RFX3: variants seen among roughly 807,000 people sequenced by gnomAD.
RFX3 encodes the protein regulatory factor X3.
Under a neutral mutation model 98.6 loss-of-function variants are expected in RFX3, and 14 were observed. That is an observed-to-expected ratio of 0.14 (90% confidence interval 0.09 to 0.22). The LOEUF is 0.22. RFX3 is among the 10% of genes least tolerant of loss of function. RFX3 has a pLI of 1.00. For missense variants in RFX3, 639 were observed against 926.9 expected (o/e 0.69, Z 4.03); for synonymous variants, 383 against 328.4 (o/e 1.17, Z -1.80).
chr9:3,368,605 C>T (rs185473587), intron 2 of RFX3, among the ~76,000 whole-genome samples: 1 of 152,286 alleles, frequency 6.6e-6, no homozygotes, highest in African/African-American at 2.4e-5. Flanking sequence ...TCTTTGACAT[C>T]TCCGTGGTTT....
At chr9:3,447,324 G>C (rs965503430) in intron 1 of RFX3, among the ~76,000 whole-genome samples, 3 of 152,076 alleles carry the variant, frequency 2.0e-5, no homozygotes, top group Non-Finnish European at 2.9e-5. Flanking sequence ...ACTCCATTAA[G>C]TATAATCATT....
chr9:3,481,972 G>C (rs949881511), intron 1 of RFX3, among the ~76,000 whole-genome samples: 2 of 151,988 alleles, frequency 1.3e-5, no homozygotes, highest in African/African-American at 4.8e-5. Context: ...CCTTTCTAGA[G>C]AACACTCTGA....
At chr9:3,402,206 T>C (rs370525717) in intron 1 of RFX3, among the ~76,000 whole-genome samples, 13 of 152,306 alleles carry the variant, frequency 8.5e-5, no homozygotes, top group African/African-American at 3.1e-4. Flanking sequence ...TTGGGGTCTT[T>C]CATCCTGAAA....
At chr9:3,362,691 A>C (rs1836595874) in intron 2 of RFX3, among the ~76,000 whole-genome samples, 1 of 152,218 alleles carries the variant, frequency 6.6e-6, no homozygotes, top group Admixed American at 6.5e-5. Context: ...ATGAAGGCTA[A>C]CATAGCAGTA....
Position 3,219,887 on chromosome 9 carries a change from C to G in RFX3, c.*5155G>C, listed in dbSNP as rs1817252597. ...ACCAGACATCAGAATAGGTTACACTCTTATTTGCACCCAGCTAGGGCAGCG... is the reference window on the plus strand; with the variant it reads ...ACCAGACATCAGAATAGGTTACACTGTTATTTGCACCCAGCTAGGGCAGCG... On this transcript the variant is annotated 3_prime_UTR_variant, in exon 17 of 17. Coordinates refer to ENST00000617270, the MANE Select transcript of RFX3 (RefSeq NM_001282116.2). The G allele has an allele frequency of 6.6e-6, 1 of 152,224 alleles. No individual in the cohort carries two copies. Among genetic ancestry groups the G allele is most frequent in the Non-Finnish European group, 1.5e-5 (1 of 68,060 alleles). 9.4% of individuals were successfully genotyped at this position (152,224 alleles called of 1,614,324 possible).
Position 3,346,735 on chromosome 9 carries a change from T to C in RFX3, c.147A>G (p.Val49=), listed in dbSNP as rs1173439462. 1 of 1,613,642 alleles carries C rather than the reference T, an allele frequency of 6.2e-7. No homozygotes were observed. The highest frequency in any genetic ancestry group is 1.1e-5 in the South Asian group (1 of 91,066). The change falls in exon 3 of 17, where the codon GTA becomes GTG. Residue 49 remains valine (V), a synonymous_variant. Transcript: ENST00000617270. ...QVQQVQTVQQ[V]QHVYPAQVQY... ...GCACCTGAGCGGGATAGACATGTTG[T>C]ACCTGCTGCACAGTCTGTACCTGCT...
At chr9:3,242,804 C>G (rs1053442422) in intron 15 of RFX3, among the ~76,000 whole-genome samples, 2 of 151,928 alleles carry the variant, frequency 1.3e-5, no homozygotes, top group African/African-American at 4.8e-5. Context: ...TTCTCTATTA[C>G]TGAAATATTA....
At chr9:3,481,265 A>C (rs904349659) in intron 1 of RFX3, among the ~76,000 whole-genome samples, 2 of 152,168 alleles carry the variant, frequency 1.3e-5, no homozygotes, top group African/African-American at 4.8e-5. Context: ...CCTAATAGGC[A>C]CTTGATAAAT....
At chr9:3,316,350 A>G (rs182130571) in intron 4 of RFX3, among the ~76,000 whole-genome samples, 98 of 152,278 alleles carry the variant, frequency 6.4e-4, no homozygotes, top group African/African-American at 2.3e-3. Flanking sequence ...AAATCTCAAT[A>G]AACTAGGTAT....
At chr9:3,421,019 C>CAAA (rs145747158) in intron 1 of RFX3, 3,335 of 181,038 alleles carry the variant, frequency 0.018, 100 homozygotes, top group African/African-American at 0.067. Context: ...TACTATGTGC[C>CAAA]AAAAAAAAAA....
In RFX3 at chr9:3,363,572, T is replaced by C. The variant is rs529884053; in HGVS notation, c.118-16808A>G. 1.1e-4 allele frequency among the ~76,000 whole-genome samples: 16 copies of C among 152,354 alleles called. No homozygotes were observed. In the South Asian group the frequency reaches 3.1e-3, roughly 30 times the overall value. On this transcript the variant is annotated intron_variant, in intron 2 of 16. Coordinates refer to ENST00000617270, the MANE Select transcript of RFX3 (RefSeq NM_001282116.2). ...AGAACTTCTTACTTATACATGATTA[T>C]TAAACCAGTGCTAACACTATTATTA...
At chr9:3,277,038 T>C (rs1825316590) in intron 8 of RFX3, among the ~76,000 whole-genome samples, 1 of 152,044 alleles carries the variant, frequency 6.6e-6, no homozygotes, top group Non-Finnish European at 1.5e-5. Context: ...CTACTGAAAG[T>C]AAACAGCATA....
At chr9:3,486,128 C>CAAAAAAAAAAA (rs772747349) in intron 1 of RFX3, among the ~76,000 whole-genome samples, 33 of 49,132 alleles carry the variant, frequency 6.7e-4, no homozygotes, top group African/African-American at 9.9e-4. Flanking sequence ...TGTCTCAAAC[C>CAAAAAAAAAAA]AAAAAAAAAA....
chr9:3,365,358 G>A (rs182643389), intron 2 of RFX3, among the ~76,000 whole-genome samples: 1 of 150,404 alleles, frequency 6.6e-6, no homozygotes, highest in African/African-American at 2.4e-5. Context: ...AAAATCATGA[G>A]GTAGTTTGCA....
chr9:3,395,544 GGT>G lies in RFX3; in HGVS notation c.43_44del (p.Thr15LeufsTer7), dbSNP rs1840769060. ...CTTGACTAGCCACAGATGTTTGTAA[GGT>G]CACTGTCGAGCCTGTGTCCGACCCA... ...ETGSDTGSTV[T>X]LQTSVASQAA... On this transcript the variant is annotated frameshift_variant, in exon 2 of 17. Transcript: ENST00000617270. LOFTEE classifies it high-confidence loss of function. The G allele has an allele frequency of 6.2e-7, 1 of 1,614,008 alleles. No homozygotes were observed. Among genetic ancestry groups the G allele is most frequent in the Non-Finnish European group, 8.5e-7 (1 of 1,179,988 alleles).
chr9:3,499,854 A>C (rs977301835), intron 1 of RFX3, among the ~76,000 whole-genome samples: 1 of 152,122 alleles, frequency 6.6e-6, no homozygotes, highest in Admixed American at 6.6e-5. Flanking sequence ...GCAACTTTGG[A>C]AAGTTAATTT....
At chr9:3,227,973 A>T (rs1171125816) in intron 16 of RFX3, among the ~76,000 whole-genome samples, 1 of 152,106 alleles carries the variant, frequency 6.6e-6, no homozygotes, top group Non-Finnish European at 1.5e-5. Flanking sequence ...TGGAAGGGCT[A>T]AGTGCATAGT....
chr9:3,283,213 G>C (rs760596065), intron 7 of RFX3, among the ~76,000 whole-genome samples: 16 of 151,608 alleles, frequency 1.1e-4, no homozygotes, highest in Non-Finnish European at 1.9e-4. Flanking sequence ...CAATTGCCAG[G>C]CTTCATTCTC....
intron 1 of RFX3, among the ~76,000 whole-genome samples, chr9:3,431,673 G>C (rs182491880): frequency 3.9e-5 from 6 of 152,252 alleles, no homozygotes; most frequent in Admixed American, 3.9e-4. Context: ...AAAGGAAGGT[G>C]AATGATCTAA....
Sources: allele counts gnomAD v4.1 joint callset (sites outside exome capture counted in the v4.1 genomes callset), GRCh38; gene constraint gnomAD v4.1.1; transcripts MANE v1.5; gene names NCBI Gene and HGNC (gene_info 2026-07-23, HGNC 2026-07-21).